QNG1: variants seen among roughly 807,000 people sequenced by gnomAD.
The protein encoded by QNG1 is queuosine 5'-phosphate N-glycosylase/hydrolase.
chr9:83,941,015 A>T, the QNG1 span, among the ~76,000 whole-genome samples: 1 of 152,144 alleles, frequency 6.6e-6, no homozygotes, highest in Non-Finnish European at 1.5e-5. Flanking sequence ...AAATTTGACT[A>T]TCAACTTGCT....
the QNG1 span, among the ~76,000 whole-genome samples, chr9:83,942,526 T>C: frequency 6.6e-6 from 1 of 152,150 alleles, no homozygotes; most frequent in African/African-American, 2.4e-5. Context: ...ATCCTCAAGT[T>C]TGGAAGTACC....
At chr9:83,944,430 T>C in the QNG1 span, among the ~76,000 whole-genome samples, 1 of 152,220 alleles carries the variant, frequency 6.6e-6, no homozygotes, top group Non-Finnish European at 1.5e-5. Flanking sequence ...CCAATTCATA[T>C]TACCTATCTT....
the QNG1 span, among the ~76,000 whole-genome samples, chr9:83,954,632 AG>A: frequency 6.6e-5 from 10 of 151,710 alleles, no homozygotes; most frequent in African/African-American, 2.4e-4. Flanking sequence ...CTGTAATCCC[AG>A]CACTTTGGGA....
At chr9:83,953,946 G>A in the QNG1 span, 5 of 749,988 alleles carry the variant, frequency 6.7e-6, 1 homozygote, top group South Asian at 8.2e-5. Flanking sequence ...CTAGGCTGGA[G>A]TGCAGTGGTG....
At chr9:83,956,778 C>T in the QNG1 span, 1 of 368,676 alleles carries the variant, frequency 2.7e-6, no homozygotes, top group Non-Finnish European at 4.9e-6. Flanking sequence ...CTCGGGCGCG[C>T]TCTCAGGCTC....
chr9:83,946,772 A>G, the QNG1 span, among the ~76,000 whole-genome samples: 31 of 152,260 alleles, frequency 2.0e-4, 1 homozygote, highest in Middle Eastern at 0.017. Flanking sequence ...GCTAATTTTC[A>G]TATTTCAGTA....
At chr9:83,955,075 T>C in the QNG1 span, among the ~76,000 whole-genome samples, 1 of 151,342 alleles carries the variant, frequency 6.6e-6, no homozygotes, top group South Asian at 2.1e-4. Flanking sequence ...GGCGCATCCC[T>C]GTAATCCAAG....
chr9:83,956,612 C>T, the QNG1 span: 1 of 872,884 alleles, frequency 1.1e-6, no homozygotes, highest in Non-Finnish European at 1.7e-6. Flanking sequence ...AAACAAGGTC[C>T]CGCCCTGCCA....
the QNG1 span, among the ~76,000 whole-genome samples, chr9:83,947,449 C>T: frequency 6.6e-6 from 1 of 152,156 alleles, no homozygotes; most frequent in African/African-American, 2.4e-5. Flanking sequence ...CAGATCCAGA[C>T]CTATTTTTAT....
chr9:83,956,623 G>C, the QNG1 span: 3 of 777,630 alleles, frequency 3.9e-6, no homozygotes, highest in East Asian at 5.5e-5. Flanking sequence ...CGCCCTGCCA[G>C]GGAGTGGCAC....
chr9:83,951,605 T>C, the QNG1 span, among the ~76,000 whole-genome samples: 2 of 152,142 alleles, frequency 1.3e-5, no homozygotes, highest in African/African-American at 4.8e-5. Flanking sequence ...AAATGTTATC[T>C]ATTGAAATAT....
chr9:83,939,490 T>C, the QNG1 span: 2 of 1,525,828 alleles, frequency 1.3e-6, no homozygotes, highest in Non-Finnish European at 1.8e-6. Context: ...GGGTTTTCTT[T>C]GGATCAGTTT....
the QNG1 span, among the ~76,000 whole-genome samples, chr9:83,948,569 C>A: frequency 6.6e-6 from 1 of 152,106 alleles, no homozygotes; most frequent in African/African-American, 2.4e-5. Flanking sequence ...CCCTTCTGCC[C>A]GGCCGCCACC....
the QNG1 span, chr9:83,955,562 T>C: frequency 6.2e-7 from 1 of 1,614,232 alleles, no homozygotes; most frequent in Non-Finnish European, 8.5e-7. Flanking sequence ...CATGGAAACG[T>C]CTGTGTCAGA....
chr9:83,956,301 C>T, the QNG1 span: 2 of 1,614,130 alleles, frequency 1.2e-6, no homozygotes, highest in South Asian at 1.1e-5. Context: ...CACGAACACC[C>T]AGTTGACCGC....
the QNG1 span, among the ~76,000 whole-genome samples, chr9:83,951,758 CTT>C: frequency 6.6e-6 from 1 of 152,106 alleles, no homozygotes; most frequent in African/African-American, 2.4e-5. Context: ...AAAAATAGCT[CTT>C]CTTTCACCTA....
chr9:83,946,126 A>G, the QNG1 span, among the ~76,000 whole-genome samples: 1 of 151,728 alleles, frequency 6.6e-6, no homozygotes, highest in Non-Finnish European at 1.5e-5. Context: ...CCCATATGGT[A>G]ATACCCCGTC....
At chr9:83,941,837 C>T in the QNG1 span, among the ~76,000 whole-genome samples, 4 of 151,524 alleles carry the variant, frequency 2.6e-5, no homozygotes, top group African/African-American at 9.7e-5. Flanking sequence ...CACTTGAACC[C>T]GGGAGAAGGA....
chr9:83,949,039 G>C, the QNG1 span, among the ~76,000 whole-genome samples: 66 of 149,162 alleles, frequency 4.4e-4, no homozygotes, highest in African/African-American at 1.6e-3. Flanking sequence ...CACTATTGTC[G>C]ATGACCCTGC....
Sources: gnomAD v4.1 joint callset for allele counts (sites outside exome capture counted in the v4.1 genomes callset) on GRCh38, gnomAD v4.1.1 for gene constraint, MANE v1.5 for transcripts, NCBI Gene and HGNC (gene_info 2026-07-23, HGNC 2026-07-21) for gene names.